Variants in PDE10A observed in about 807,000 individuals in gnomAD.
PDE10A encodes phosphodiesterase 10A.
Under a neutral mutation model 97.7 loss-of-function variants are expected in PDE10A, and 39 were observed. The ratio of observed to expected loss-of-function variants is 0.40; its 90% CI spans 0.31 to 0.52. PDE10A has a LOEUF of 0.52. Among genes scored for constraint, PDE10A ranks in the 20% least tolerant of loss-of-function variants. The pLI, the probability that PDE10A is intolerant of heterozygous loss-of-function variation, is 0.56. For missense variants in PDE10A, 731 were observed against 1,047.8 expected, an observed-to-expected ratio of 0.70 and a Z score of 4.17; for synonymous variants, 371 against 376.8, an observed-to-expected ratio of 0.98 and a Z score of 0.18.
At chr6:165,494,957 T>A (rs1033361442) in intron 2 of PDE10A, among the ~76,000 whole-genome samples, 2 of 152,050 alleles carry the variant, frequency 1.3e-5, no homozygotes, top group African/African-American at 4.8e-5. Flanking sequence ...TATCTTCTCT[T>A]TATGGGAGAT....
chr6:165,837,015 C>T (rs1311582278), intron 1 of PDE10A, among the ~76,000 whole-genome samples: 1 of 128,316 alleles, frequency 7.8e-6, no homozygotes, highest in African/African-American at 3.1e-5. Flanking sequence ...CACATGGACA[C>T]AGGAAGGGGA....
At chr6:165,435,077 G>A (rs1789900253) in intron 6 of PDE10A, among the ~76,000 whole-genome samples, 160 bp downstream of exon 6, 1 of 152,128 alleles carries the variant, frequency 6.6e-6, no homozygotes. Context: ...AATTTTCTGA[G>A]TACAAAAAAT....
intron 1 of PDE10A, among the ~76,000 whole-genome samples, chr6:165,764,007 G>A (rs1793313764): frequency 6.6e-6 from 1 of 152,212 alleles, no homozygotes; most frequent in Admixed American, 6.5e-5. Context: ...TCCCTGAGCT[G>A]GGAAGTGGTG....
chr6:165,855,877 C>T (rs77614487), intron 1 of PDE10A, among the ~76,000 whole-genome samples: 5,809 of 152,252 alleles, frequency 0.038, 153 homozygotes, highest in Middle Eastern at 0.078. Flanking sequence ...TGTCAGGAAG[C>T]CCCGCTTTCT....
chr6:165,704,017 C>G (rs968669705), intron 1 of PDE10A, among the ~76,000 whole-genome samples: 2 of 152,196 alleles, frequency 1.3e-5, no homozygotes, highest in Admixed American at 1.3e-4. Flanking sequence ...GGCTGCCGTA[C>G]ACACGCCCAA....
At chr6:165,679,175 G>A (rs974445405) in intron 1 of PDE10A, among the ~76,000 whole-genome samples, 2 of 152,170 alleles carry the variant, frequency 1.3e-5, no homozygotes, top group African/African-American at 4.8e-5. Flanking sequence ...AGCCTCATCA[G>A]GTAGGTAGGA....
At chr6:165,835,742 A>G (rs1384976594) in intron 1 of PDE10A, among the ~76,000 whole-genome samples, 2 of 152,182 alleles carry the variant, frequency 1.3e-5, no homozygotes, top group African/African-American at 4.8e-5. Context: ...GCTGGGCTCC[A>G]GCTCAGAACG....
At chr6:165,879,639 C>T (rs776444429) in intron 1 of PDE10A, among the ~76,000 whole-genome samples, 2 of 152,232 alleles carry the variant, frequency 1.3e-5, no homozygotes, top group Non-Finnish European at 2.9e-5. Context: ...TGATGTAAAA[C>T]GGTGCAGTGT....
chr6:165,608,456 G>A (rs200429944), intron 1 of PDE10A, among the ~76,000 whole-genome samples: 1 of 151,692 alleles, frequency 6.6e-6, no homozygotes, highest in South Asian at 2.1e-4. Flanking sequence ...TTTTTTTATG[G>A]CTGCATAGTA....
chr6:165,387,051 G>A (rs953226667), intron 17 of PDE10A, among the ~76,000 whole-genome samples: 6 of 151,866 alleles, frequency 4.0e-5, no homozygotes, highest in Admixed American at 2.0e-4. Flanking sequence ...GTTTTATGCC[G>A]GTATGTATGT....
At chr6:165,736,415 C>G (rs1440557180) in intron 1 of PDE10A, among the ~76,000 whole-genome samples, 1 of 152,024 alleles carries the variant, frequency 6.6e-6, no homozygotes, top group African/African-American at 2.4e-5. Flanking sequence ...TGATGTCTCC[C>G]AAGCTCAGTG....
chr6:165,348,943 C>A (rs538225209), intron 18 of PDE10A, among the ~76,000 whole-genome samples: 1 of 152,140 alleles, frequency 6.6e-6, no homozygotes, highest in Admixed American at 6.5e-5. Context: ...CTCCTGAGGC[C>A]GCCCCAGACA....
At chr6:165,528,250 GGT>G (rs1782568089) in intron 2 of PDE10A, among the ~76,000 whole-genome samples, 1 of 152,214 alleles carries the variant, frequency 6.6e-6, no homozygotes, top group South Asian at 2.1e-4. Flanking sequence ...CTCACCAATG[GGT>G]GACCTCAGCA....
rs566513196 is a variant in PDE10A at position 165,351,648 on chromosome 6, A to G, written c.2784-8146T>C. Among the ~76,000 whole-genome samples, 594 of 152,258 alleles carry G rather than the reference A, an allele frequency of 3.9e-3. 2 individuals carry two copies. Among genetic ancestry groups the G allele is most frequent in the Admixed American group, 0.012 (181 of 15,288 alleles). On this transcript the variant is annotated intron_variant, in intron 18 of 21. Transcript: ENST00000539869. ...AAAAGCCCAGAATGTGACTCCTTCC[A>G]TTACATGACATTCCATCATTGCAAC...
chr6:165,614,428 C>T (rs1323157481), intron 1 of PDE10A, among the ~76,000 whole-genome samples: 3 of 152,174 alleles, frequency 2.0e-5, no homozygotes, highest in African/African-American at 4.8e-5. Context: ...GTATTGATGT[C>T]CAGCTCCAGC....
intron 3 of PDE10A, among the ~76,000 whole-genome samples, chr6:165,454,181 T>C (rs1389107197): frequency 6.6e-6 from 1 of 152,228 alleles, no homozygotes; most frequent in Non-Finnish European, 1.5e-5. Flanking sequence ...CACTGAATTT[T>C]GGAAGTAGAT....
At chr6:165,741,631 TA>T (rs1468985979) in intron 1 of PDE10A, among the ~76,000 whole-genome samples, 1 of 152,312 alleles carries the variant, frequency 6.6e-6, no homozygotes, top group East Asian at 1.9e-4. Flanking sequence ...TTACAGCATT[TA>T]AAAATATGCA....
At chr6:165,864,752 T>A (rs1014294676) in intron 1 of PDE10A, among the ~76,000 whole-genome samples, 5 of 152,150 alleles carry the variant, frequency 3.3e-5, no homozygotes, top group African/African-American at 9.7e-5. Context: ...GGCAAAAAAA[T>A]TAATGTCCCC....
At chr6:165,513,509 T>C (rs537694) in intron 2 of PDE10A, among the ~76,000 whole-genome samples, 141,333 of 152,130 alleles carry the variant, frequency 0.93, 65,832 homozygotes, top group East Asian at 1. Context: ...ATTATTATGA[T>C]TCTTCTAAGA....
Sources: gnomAD v4.1 joint callset for allele counts (sites outside exome capture counted in the v4.1 genomes callset) on GRCh38, gnomAD v4.1.1 for gene constraint, MANE v1.5 for transcripts, NCBI Gene and HGNC (gene_info 2026-07-23, HGNC 2026-07-21) for gene names.